Variants in DRC11 observed in about 807,000 individuals in gnomAD.
The protein encoded by DRC11 is IQ and AAA domain-containing protein 1.
the DRC11 span, among the ~76,000 whole-genome samples, chr2:236,321,923 A>G: frequency 3.9e-5 from 6 of 152,194 alleles, no homozygotes; most frequent in African/African-American, 1.4e-4. Flanking sequence ...ATGGACCCTA[A>G]TAAGTACATT....
At chr2:236,437,489 T>C in the DRC11 span, among the ~76,000 whole-genome samples, 396 of 151,400 alleles carry the variant, frequency 2.6e-3, 1 homozygote, top group African/African-American at 8.8e-3. Context: ...ATGGTATTTC[T>C]AGTTCTAGAT....
At chr2:236,372,388 C>T in the DRC11 span, among the ~76,000 whole-genome samples, 19 of 152,252 alleles carry the variant, frequency 1.2e-4, no homozygotes, top group East Asian at 3.5e-3. The surrounding 1 kb of genome is among the most constrained non-coding windows in gnomAD (Gnocchi z 4.5). Context: ...CTGAAATAGA[C>T]AATTCTGATG....
At chr2:236,491,017 G>GTA in the DRC11 span, among the ~76,000 whole-genome samples, 1 of 135,790 alleles carries the variant, frequency 7.4e-6, no homozygotes, top group Non-Finnish European at 1.6e-5. Flanking sequence ...GTATATATGT[G>GTA]TATATATATG....
At chr2:236,321,489 ACTCC>A in the DRC11 span, among the ~76,000 whole-genome samples, 1 of 152,086 alleles carries the variant, frequency 6.6e-6, no homozygotes, top group African/African-American at 2.4e-5. Flanking sequence ...GCGTATCTAC[ACTCC>A]CTCTCCACAC....
chr2:236,354,192 ATGTG>A, the DRC11 span, among the ~76,000 whole-genome samples: 601 of 90,556 alleles, frequency 6.6e-3, 2 homozygotes, highest in African/African-American at 0.028. Flanking sequence ...TCTGTGGTCA[ATGTG>A]TGTGTGTGTC....
the DRC11 span, among the ~76,000 whole-genome samples, chr2:236,325,791 C>A: frequency 1.1e-4 from 16 of 151,988 alleles, no homozygotes; most frequent in Non-Finnish European, 2.2e-4. The surrounding 1 kb of genome is among the most constrained non-coding windows in gnomAD (Gnocchi z 4.4). Context: ...TTAGTAGAGA[C>A]GGGGTTTCAC....
the DRC11 span, among the ~76,000 whole-genome samples, chr2:236,357,368 A>C: frequency 3.5e-5 from 4 of 114,954 alleles, no homozygotes; most frequent in Non-Finnish European, 4.8e-5. Flanking sequence ...TATATTATAA[A>C]TATATTTATA....
At chr2:236,356,941 A>T in the DRC11 span, among the ~76,000 whole-genome samples, 1 of 140,888 alleles carries the variant, frequency 7.1e-6, no homozygotes, top group Non-Finnish European at 1.5e-5. Flanking sequence ...TTTATATATT[A>T]TATATTCATA....
chr2:236,436,618 A>T, the DRC11 span, among the ~76,000 whole-genome samples: 2 of 152,168 alleles, frequency 1.3e-5, no homozygotes, highest in Non-Finnish European at 2.9e-5. Context: ...GAATGTCATC[A>T]GTATACTACT....
At chr2:236,493,764 A>C in the DRC11 span, 1 of 1,587,510 alleles carries the variant, frequency 6.3e-7, no homozygotes, top group African/African-American at 1.3e-5. Flanking sequence ...AATGATATAC[A>C]AACCATGTCA....
the DRC11 span, among the ~76,000 whole-genome samples, chr2:236,415,599 T>C: frequency 1.3e-5 from 2 of 152,220 alleles, no homozygotes; most frequent in Admixed American, 1.3e-4. This position sits in a 1 kb window ranked among gnomAD's most constrained non-coding sequence, Gnocchi z 5.7. Context: ...ACTATGCAGA[T>C]CTGCATTTTT....
chr2:236,444,777 T>C, the DRC11 span, among the ~76,000 whole-genome samples: 7 of 152,218 alleles, frequency 4.6e-5, no homozygotes, highest in African/African-American at 1.4e-4. Context: ...ATCAAACCTT[T>C]CATTCATATA....
chr2:236,437,751 T>C, the DRC11 span, among the ~76,000 whole-genome samples: 26 of 152,350 alleles, frequency 1.7e-4, no homozygotes, highest in South Asian at 4.6e-3. Context: ...TTTTGAGAAG[T>C]GTCTGTTCAT....
chr2:236,467,387 T>C, the DRC11 span, among the ~76,000 whole-genome samples: 3 of 152,224 alleles, frequency 2.0e-5, no homozygotes, highest in South Asian at 2.1e-4. Flanking sequence ...AAAATCACTA[T>C]GGTATGGTGC....
At chr2:236,343,851 A>G in the DRC11 span, 4 of 775,098 alleles carry the variant, frequency 5.2e-6, no homozygotes, top group Non-Finnish European at 7.8e-6. The surrounding 1 kb of genome is among the most constrained non-coding windows in gnomAD (Gnocchi z 6.6). Flanking sequence ...GGGGAAGAAA[A>G]GATTGAGCTT....
the DRC11 span, among the ~76,000 whole-genome samples, chr2:236,334,669 C>T: frequency 7.2e-5 from 11 of 152,192 alleles, no homozygotes; most frequent in East Asian, 1.9e-3. The surrounding 1 kb of genome is among the most constrained non-coding windows in gnomAD (Gnocchi z 7.8). Flanking sequence ...TCTTGGCTGG[C>T]GCTCGAGATG....
chr2:236,494,022 A>G, the DRC11 span: 69 of 707,488 alleles, frequency 9.8e-5, no homozygotes, highest in Non-Finnish European at 5.3e-5. The surrounding 1 kb of genome is among the most constrained non-coding windows in gnomAD (Gnocchi z 4.2). Context: ...GAAAAAAAAA[A>G]TGAGGCCAGC....
At chr2:236,396,302 C>CGGG in the DRC11 span, among the ~76,000 whole-genome samples, 8,444 of 59,808 alleles carry the variant, frequency 0.14, 508 homozygotes, top group Non-Finnish European at 0.18. Flanking sequence ...GAAAGAGGGG[C>CGGG]GGGGGGGGGT....
the DRC11 span, among the ~76,000 whole-genome samples, chr2:236,361,963 A>G: frequency 1.3e-5 from 2 of 152,232 alleles, no homozygotes; most frequent in Non-Finnish European, 2.9e-5. The surrounding 1 kb of genome is among the most constrained non-coding windows in gnomAD (Gnocchi z 5.7). Context: ...ATGTGGCTCC[A>G]TTAGTATCAG....
Sources: allele counts gnomAD v4.1 joint callset (sites outside exome capture counted in the v4.1 genomes callset), GRCh38; gene constraint gnomAD v4.1.1; non-coding constraint Gnocchi (gnomAD v3.1); transcripts MANE v1.5; gene names NCBI Gene and HGNC (gene_info 2026-07-23, HGNC 2026-07-21).